Variants in STK24 observed in about 807,000 individuals in gnomAD.
STK24 encodes serine/threonine kinase 24.
STK24 carries 21 observed loss-of-function variants against 55.6 expected under a neutral mutation model. The observed-to-expected ratio is 0.38, with a 90% confidence interval of 0.27 to 0.54. The LOEUF (loss-of-function observed/expected upper bound fraction) is 0.54. Among genes scored for constraint, STK24 ranks in the 20% least tolerant of loss-of-function variants. The probability of loss-of-function intolerance (pLI) is 0.79; values close to 1 mark genes in which losing one functional copy is unlikely to be tolerated. For synonymous variants in STK24, 200 were observed against 215.2 expected, an observed-to-expected ratio of 0.93 and a Z score of 0.62; for missense variants, 383 against 538.4, an observed-to-expected ratio of 0.71 and a Z score of 2.86.
At chr13:98,461,264 A>G (rs765013286) in intron 8 of STK24, among the ~76,000 whole-genome samples, 39 of 152,198 alleles carry the variant, frequency 2.6e-4, no homozygotes, top group Non-Finnish European at 5.1e-4. Context: ...CCCTGCCTGA[A>G]AGAAACTACA....
At position 98,535,435 on chromosome 13, in the gene STK24, A is replaced by G. The variant is rs1018343337; in HGVS notation, c.43-15962T>C. On this transcript the variant is annotated intron_variant, in intron 1 of 10. Coordinates refer to ENST00000539966, the MANE Select transcript of STK24 (RefSeq NM_001032296.4). Reference sequence around the variant, plus strand: ...CACACACACACACACACACACACACACGCAATGCATTCCAAATAAAGTATA... The same window carrying G: ...CACACACACACACACACACACACACGCGCAATGCATTCCAAATAAAGTATA... 6.2e-5 allele frequency among the ~76,000 whole-genome samples: 8 copies of G among 128,986 alleles called. No homozygotes were observed. The Admixed American group carries it at 6.3e-4, about 10-fold the overall frequency. 84.6% of individuals were successfully genotyped at this position (128,986 alleles called of 152,430 possible).
Position 98,460,433 on chromosome 13 carries a change from T to A in STK24, c.1061A>T (p.Asp354Val). 3 of 1,613,124 alleles carry A rather than the reference T, an allele frequency of 1.9e-6. No homozygotes were observed. Among genetic ancestry groups the A allele is most frequent in the Non-Finnish European group, 2.5e-6 (3 of 1,179,290 alleles). The change falls in exon 9 of 11, where the codon GAC becomes GTC. Residue 354 changes from aspartate (D) to valine (V), a missense_variant. Transcript: ENST00000539966. ...CTGAGAGAAAGGCCTCTTCGGGATGTCTTTCATCTTGGGGGAGAGGGAAAA... is the reference window on the plus strand; with the variant it reads ...CTGAGAGAAAGGCCTCTTCGGGATGACTTTCATCTTGGGGGAGAGGGAAAA... ...PSDLDRNKMK[D>V]IPKRPFSQCL...
In STK24 at chr13:98,453,222, A is replaced by G. The variant is rs753940415; in HGVS notation, c.1260-13T>C. On this transcript the variant is annotated splice_polypyrimidine_tract_variant and intron_variant, in intron 10 of 10. Coordinates refer to ENST00000539966, the MANE Select transcript of STK24 (RefSeq NM_001032296.4). ...ACTTAGAGAGTATCTAGGGAAAAAG[A>G]GAGAGAGAGAAGTCAACACATGTCA... The G allele has an allele frequency of 6.2e-7, 1 of 1,611,356 alleles. No homozygotes were observed. The highest frequency in any genetic ancestry group is 8.5e-7 in the Non-Finnish European group (1 of 1,178,818).
intron 1 of STK24, among the ~76,000 whole-genome samples, chr13:98,528,689 A>C (rs1896499617): frequency 6.6e-6 from 1 of 152,230 alleles, no homozygotes; most frequent in South Asian, 2.1e-4. Context: ...TCTGGCAATG[A>C]AAAATGCATG....
chr13:98,459,793 C>T (rs1044011049), intron 9 of STK24, among the ~76,000 whole-genome samples: 7 of 152,246 alleles, frequency 4.6e-5, no homozygotes, highest in African/African-American at 7.2e-5. Context: ...TTTTCAAATC[C>T]GCTACTAACC....
rs1893120386 is a variant in STK24, at chr13:98,450,196, A to C, written c.*2977T>G. 1 of 150,098 alleles carries C rather than the reference A, an allele frequency of 6.7e-6. No individual in the cohort carries two copies. Among genetic ancestry groups the C allele is most frequent in the Admixed American group, 6.7e-5 (1 of 14,978 alleles). 9.3% of individuals were successfully genotyped at this position (150,098 alleles called of 1,614,324 possible). The stretch of plus-strand genomic sequence containing the variant: ...CTACACATGAGACACACAATGATGC[A>C]GATACTCGTTTTCTTGAGCTTTATT... On this transcript the variant is annotated 3_prime_UTR_variant, in exon 11 of 11. Coordinates refer to ENST00000539966, the MANE Select transcript of STK24 (RefSeq NM_001032296.4).
intron 9 of STK24, among the ~76,000 whole-genome samples, chr13:98,458,554 C>T (rs575703953): frequency 2.0e-4 from 30 of 152,272 alleles, no homozygotes; most frequent in East Asian, 1.9e-3. Flanking sequence ...GCCACGCCGC[C>T]GGCCCCGAGG....
intron 1 of STK24, chr13:98,543,096 T>C: frequency 1.1e-6 from 1 of 888,506 alleles, no homozygotes. Context: ...GCAGCTCCGC[T>C]CCGGCTGGGA....
chr13:98,474,577 C>T (rs1217204175), intron 5 of STK24, among the ~76,000 whole-genome samples: 1 of 152,158 alleles, frequency 6.6e-6, no homozygotes, highest in Non-Finnish European at 1.5e-5. Flanking sequence ...CCCGCTGCCA[C>T]CAAACAAACA....
intron 1 of STK24, among the ~76,000 whole-genome samples, chr13:98,545,502 C>T (rs1260950950): frequency 1.3e-5 from 2 of 152,060 alleles, no homozygotes; most frequent in African/African-American, 2.4e-5. Context: ...GGCTTGGTGG[C>T]GGGCGCCTGT....
chr13:98,498,929 A>G (rs1250166687), intron 2 of STK24, among the ~76,000 whole-genome samples: 11 of 151,786 alleles, frequency 7.2e-5, no homozygotes, highest in Non-Finnish European at 1.5e-4. Context: ...GAAACCATTC[A>G]TGATTCCATC....
At chr13:98,543,490 A>G (rs1896944686) in intron 1 of STK24, among the ~76,000 whole-genome samples, 1 of 152,216 alleles carries the variant, frequency 6.6e-6, no homozygotes, top group Non-Finnish European at 1.5e-5. Context: ...TAATAAAGGC[A>G]CACACTACGA....
At chr13:98,497,962 C>T (rs768193832) in intron 2 of STK24, among the ~76,000 whole-genome samples, 6 of 152,184 alleles carry the variant, frequency 3.9e-5, no homozygotes, top group Non-Finnish European at 8.8e-5. Flanking sequence ...CAGGGAGTCC[C>T]AAGCCCACAC....
At position 98,482,326 on chromosome 13, in the gene STK24, A is replaced by C. The variant is rs372123117; in HGVS notation, c.274-5T>G. 6.9e-5 allele frequency: 105 copies of C among 1,522,730 alleles called. 1 individual carries two copies. The African/African-American group carries it at 1.3e-3, about 19-fold the overall frequency. The allele number at this position is 1,522,730 out of a possible 1,614,324, so 94.3% of individuals were successfully genotyped here. A position where few individuals can be genotyped will look rare whatever the true frequency, so the allele number is the denominator to read the frequency against. On this transcript the variant is annotated splice_polypyrimidine_tract_variant and splice_region_variant and intron_variant, in intron 2 of 10. Coordinates refer to ENST00000539966, the MANE Select transcript of STK24 (RefSeq NM_001032296.4). ...TATTATCCATAATTTTGTATCCTATAAAACAAAAAAAAGAAGAGAATCATT... is the reference window on the plus strand; with the variant it reads ...TATTATCCATAATTTTGTATCCTATCAAACAAAAAAAAGAAGAGAATCATT...
At chr13:98,519,930 GAAA>G (rs371105747) in intron 1 of STK24, among the ~76,000 whole-genome samples, 3 of 149,636 alleles carry the variant, frequency 2.0e-5, no homozygotes, top group Non-Finnish European at 4.5e-5. Flanking sequence ...TCACAGAACA[GAAA>G]AAAAAACGTA....
chr13:98,523,236 C>T (rs1896322771), intron 1 of STK24, among the ~76,000 whole-genome samples: 1 of 152,198 alleles, frequency 6.6e-6, no homozygotes, highest in Non-Finnish European at 1.5e-5. Flanking sequence ...GTCAACTCAT[C>T]ACCCCCTCCA....
rs1289637885 is a variant in STK24 at position 98,452,201 on chromosome 13, T to G, written c.*972A>C. On this transcript the variant is annotated 3_prime_UTR_variant, in exon 11 of 11. Transcript: ENST00000539966. ...TTATTTGTGTAAGCATTCAGACATT[T>G]TTAGGTGGGAAAGATGATATGCAGA... 6.6e-6 allele frequency: 1 copy of G among 152,144 alleles called. No homozygotes were observed. The highest frequency in any genetic ancestry group is 1.9e-4 in the East Asian group (1 of 5,188). The allele number at this position is 152,144 out of a possible 1,614,324, so 9.4% of individuals were successfully genotyped here.
Position 98,510,490 on chromosome 13 carries a change from G to C in STK24, c.273+8753C>G, listed in dbSNP as rs184801391. Among the ~76,000 whole-genome samples, 293 of 152,256 alleles carry C rather than the reference G, an allele frequency of 1.9e-3. 10 individuals are homozygous for C. The highest frequency in any genetic ancestry group is 0.019 in the Admixed American group (288 of 15,292). The stretch of plus-strand genomic sequence containing the variant: ...AAAACTTGTACACGAATGTTCATGG[G>C]AACAGTATTCACAACAGCCAAAAAA... On this transcript the variant is annotated intron_variant, in intron 2 of 10. Transcript: ENST00000539966.
rs1233961253 is a variant in STK24 at position 98,563,747 on chromosome 13, C to A, written c.42+12998G>T. On this transcript the variant is annotated intron_variant, in intron 1 of 10. Transcript: ENST00000539966. ...TGGTGGCGGGTGCCTATAGTCCCAG[C>A]TACTCGGGAGGCTGAGGCAGGAGAA... 5.3e-5 allele frequency among the ~76,000 whole-genome samples: 8 copies of A among 151,900 alleles called. No homozygotes were observed. In the East Asian group the frequency reaches 1.6e-3, roughly 29 times the overall value.
Sources: gnomAD v4.1 joint callset for allele counts (sites outside exome capture counted in the v4.1 genomes callset) on GRCh38, gnomAD v4.1.1 for gene constraint, MANE v1.5 for transcripts, NCBI Gene and HGNC (gene_info 2026-07-23, HGNC 2026-07-21) for gene names.